Variants in MMP15 observed in about 807,000 individuals in gnomAD.
The protein encoded by MMP15 is matrix metallopeptidase 15, also known as matrix metalloproteinase-15.
A neutral mutation model predicts 65.0 loss-of-function variants in MMP15; 36 were observed. The ratio of observed to expected loss-of-function variants is 0.55; its 90% CI spans 0.42 to 0.73. The LOEUF (loss-of-function observed/expected upper bound fraction) is 0.73, where lower values mean the gene tolerates loss of function less well. Ranked by LOEUF, MMP15 falls within the 30% of genes least tolerant of loss-of-function variation. The pLI is 0.00. For missense variants in MMP15, 870 were observed against 987.8 expected (o/e 0.88, Z 1.60); for synonymous variants, 428 against 410.2 (o/e 1.04, Z -0.52).
In MMP15 at chr16:58,040,597, C is replaced by T. The variant is rs1959432724; in HGVS notation, c.809C>T (p.Ser270Phe). The T allele has an allele frequency of 3.1e-6, 5 of 1,614,144 alleles. No individual in the cohort carries two copies. Among genetic ancestry groups the T allele is most frequent in the Non-Finnish European group, 4.2e-6 (5 of 1,180,042 alleles). ...GGCCACGCGCTGGGGCTGGAGCACT[C>T]CAGCAACCCCAATGCCATCATGGCG... Reference protein sequence around the residue: ...ELGHALGLEHSSNPNAIMAPF... With the variant: ...ELGHALGLEHFSNPNAIMAPF... The change falls in exon 5 of 10, where the codon TCC becomes TTC. Residue 270 changes from serine (S) to phenylalanine (F), a missense_variant. Transcript: ENST00000219271.
In MMP15 at chr16:58,039,928, G is replaced by C; in HGVS notation, c.494G>C (p.Arg165Pro). 1 of 1,612,466 alleles carries C rather than the reference G, an allele frequency of 6.2e-7. No homozygotes were observed. Among genetic ancestry groups the C allele is most frequent in the Non-Finnish European group, 8.5e-7 (1 of 1,179,106 alleles). Residue 165 changes from arginine (R) to proline (P), a missense_variant, in exon 4 of 10, where the codon CGC (arginine) becomes CCC (proline). Physicochemically the swap from Arg to Pro is moderately radical, Grantham distance 103 (BLOSUM62 -2). Transcript: ENST00000219271. ...TGGTACCACTCGATGGAGGCGGTGC[G>C]CAGGGCCTTCCGCGTGTGGGAGCAG... ...LGWYHSMEAV[R>P]RAFRVWEQAT...
chr16:58,026,257 C>T lies in MMP15; in HGVS notation c.-94C>T. The T allele has an allele frequency of 1.6e-6, 2 of 1,217,258 alleles. No homozygotes were observed. Among genetic ancestry groups the T allele is most frequent in the East Asian group, 6.4e-5 (2 of 31,152 alleles). 75.4% of individuals were successfully genotyped at this position (1,217,258 alleles called of 1,614,324 possible). ...CGGGAGCCCGAGGTCCGCGGCGCGC[C>T]TGCCGGGCCAGGAGCCAGGGAGCGT... is the stretch of plus-strand genomic sequence containing the variant. On this transcript the variant is annotated 5_prime_UTR_variant, in exon 1 of 10. Transcript: ENST00000219271.
chr16:58,037,716 G>C, intron 2 of MMP15, 96 bp downstream of exon 2: 1 of 1,546,196 alleles, frequency 6.5e-7, no homozygotes, highest in East Asian at 2.3e-5. Flanking sequence ...AGAAAAGAGT[G>C]GCCTAGATAA....
chr16:58,040,765 A>G (rs1447425480), intron 5 of MMP15, 67 bp downstream of exon 5: 2 of 1,603,078 alleles, frequency 1.2e-6, no homozygotes, highest in African/African-American at 2.7e-5. Context: ...AGGAGTAGGC[A>G]TTGCTGCCAT....
chr16:58,045,572 C>G lies in MMP15; in HGVS notation c.*126C>G. 1.4e-6 allele frequency: 1 copy of G among 730,460 alleles called. No homozygotes were observed. The highest frequency in any genetic ancestry group is 2.2e-6 in the Non-Finnish European group (1 of 461,112). The allele number at this position is 730,460 out of a possible 1,614,324, so 45.2% of individuals were successfully genotyped here. On this transcript the variant is annotated 3_prime_UTR_variant, in exon 10 of 10. Coordinates refer to ENST00000219271, the MANE Select transcript of MMP15 (RefSeq NM_002428.4). Reference sequence around the variant, plus strand: ...TCACACACCCTGTCTGCCCCGCCCTCATTATTTATGTCCAGGTGTTTGTTT... The same window carrying G: ...TCACACACCCTGTCTGCCCCGCCCTGATTATTTATGTCCAGGTGTTTGTTT...
In MMP15 at chr16:58,045,222, G is replaced by T; in HGVS notation, c.1786G>T (p.Asp596Tyr). 6.3e-7 allele frequency: 1 copy of T among 1,599,082 alleles called. No individual in the cohort carries two copies. The highest frequency in any genetic ancestry group is 8.5e-7 in the Non-Finnish European group (1 of 1,174,246). Residue 596 changes from aspartate (D) to tyrosine (Y), a missense_variant, in exon 10 of 10, where the codon GAT (aspartate) becomes TAT (tyrosine). Transcript: ENST00000219271. ...GADSAEGDVG[D>Y]GDGDFGAGVN... is the part of the protein sequence containing the mutation. ...GGACAGCGCAGAGGGCGACGTGGGGGATGGGGATGGGGACTTTGGGGCCGG... is the reference window on the plus strand; with the variant it reads ...GGACAGCGCAGAGGGCGACGTGGGGTATGGGGATGGGGACTTTGGGGCCGG...
At chr16:58,035,566 G>A (rs1399960141) in intron 1 of MMP15, among the ~76,000 whole-genome samples, 3 of 152,202 alleles carry the variant, frequency 2.0e-5, no homozygotes, top group South Asian at 2.1e-4. Context: ...TGCACTTTAC[G>A]ATTCCTCCTC....
At chr16:58,044,739 A>G (rs1959520232) in intron 9 of MMP15, among the ~76,000 whole-genome samples, 1 of 152,180 alleles carries the variant, frequency 6.6e-6, no homozygotes, top group Non-Finnish European at 1.5e-5. Flanking sequence ...GCAGCCCCCA[A>G]CCCAGCAGGC....
At chr16:58,030,774 C>A (rs1963881837) in intron 1 of MMP15, among the ~76,000 whole-genome samples, 1 of 152,166 alleles carries the variant, frequency 6.6e-6, no homozygotes, top group Non-Finnish European at 1.5e-5. Context: ...TCCAGAGCCT[C>A]CCTGGCAAAA....
chr16:58,037,715 T>A (rs866388663), intron 2 of MMP15, 95 bp downstream of exon 2: 3 of 1,550,672 alleles, frequency 1.9e-6, no homozygotes, highest in Middle Eastern at 1.7e-4. Context: ...CAGAAAAGAG[T>A]GGCCTAGATA....
chr16:58,044,993 C>T lies in MMP15; in HGVS notation c.1571-14C>T. ...GCTCAACCTGAAGCCACTCTGGCCTCCTTGCCCCTGCAGCCTACACCTACT... is the reference window on the plus strand; with the variant it reads ...GCTCAACCTGAAGCCACTCTGGCCTTCTTGCCCCTGCAGCCTACACCTACT... On this transcript the variant is annotated splice_polypyrimidine_tract_variant and intron_variant, in intron 9 of 9. Coordinates refer to ENST00000219271, the MANE Select transcript of MMP15 (RefSeq NM_002428.4). The T allele has an allele frequency of 2.5e-6, 4 of 1,613,152 alleles. No homozygotes were observed. Among genetic ancestry groups the T allele is most frequent in the Non-Finnish European group, 2.5e-6 (3 of 1,179,872 alleles).
chr16:58,045,285 A>T lies in MMP15; in HGVS notation c.1849A>T (p.Met617Leu), dbSNP rs201346896. Residue 617 changes from methionine to leucine, a missense_variant, in exon 10 of 10, where the codon ATG becomes TTG. Physicochemically the swap from Met to Leu is conservative, Grantham distance 15. Coordinates refer to ENST00000219271, the MANE Select transcript of MMP15 (RefSeq NM_002428.4). ...KDGGSRVVVQMEEVARTVNVV... is the reference protein window; with the variant it reads ...KDGGSRVVVQLEEVARTVNVV... ...CGGGGGCAGCCGCGTGGTGGTGCAG[A>T]TGGAGGAGGTGGCACGGACGGTGAA... is the stretch of plus-strand genomic sequence containing the variant. 1.9e-6 allele frequency: 3 copies of T among 1,610,944 alleles called. No homozygotes were observed. Among genetic ancestry groups the T allele is most frequent in the African/African-American group, 2.7e-5 (2 of 74,992 alleles).
At position 58,045,482 on chromosome 16, in the gene MMP15, G is replaced by T; in HGVS notation, c.*36G>T. 1 of 1,469,308 alleles carries T rather than the reference G, an allele frequency of 6.8e-7. No homozygotes were observed. Among genetic ancestry groups the T allele is most frequent in the Non-Finnish European group, 9.0e-7 (1 of 1,109,074 alleles). 91.0% of individuals were successfully genotyped at this position (1,469,308 alleles called of 1,614,324 possible). On this transcript the variant is annotated 3_prime_UTR_variant, in exon 10 of 10. Coordinates refer to ENST00000219271, the MANE Select transcript of MMP15 (RefSeq NM_002428.4). The stretch of plus-strand genomic sequence containing the variant: ...CTCCTGCTAACGGTGCTCAGGGGGC[G>T]CCTGTGGTTCTGAGATGGCTCCCAG...
intron 5 of MMP15, 43 bp from the exon 6 acceptor site, chr16:58,041,574 G>A (rs1959454400): frequency 1.3e-6 from 2 of 1,556,946 alleles, no homozygotes; most frequent in African/African-American, 1.4e-5. Flanking sequence ...AGGGTTCTGA[G>A]TAGGAACACA....
rs1465918286 is a variant in MMP15 at position 58,041,611 on chromosome 16, C to T, written c.911-6C>T. ...ACCTCACTTCTGAACCCCTGCCTCTCTGCAGGTACCCCAGACGGTCAGCCA... is the reference window on the plus strand; with the variant it reads ...ACCTCACTTCTGAACCCCTGCCTCTTTGCAGGTACCCCAGACGGTCAGCCA... On this transcript the variant is annotated splice_polypyrimidine_tract_variant and splice_region_variant and intron_variant, in intron 5 of 9. Coordinates refer to ENST00000219271, the MANE Select transcript of MMP15 (RefSeq NM_002428.4). The T allele has an allele frequency of 6.4e-7, 1 of 1,571,246 alleles. No individual in the cohort carries two copies. The highest frequency in any genetic ancestry group is 8.6e-7 in the Non-Finnish European group (1 of 1,159,350).
At chr16:58,041,556 C>G in intron 5 of MMP15, 61 bp from the exon 6 acceptor site, 1 of 1,544,932 alleles carries the variant, frequency 6.5e-7, no homozygotes. Flanking sequence ...CTGGGGGCCC[C>G]GGGGCCCAGG....
At chr16:58,040,266 C>T (rs572547271) in intron 4 of MMP15, 84 bp downstream of exon 4, 285 of 1,396,934 alleles carry the variant, frequency 2.0e-4, no homozygotes, top group Non-Finnish European at 2.3e-4. Flanking sequence ...GTTCAGCAGC[C>T]GCGGGGCTGG....
chr16:58,026,646 C>A (rs1963819711), intron 1 of MMP15, 134 bp downstream of exon 1: 1 of 1,042,222 alleles, frequency 9.6e-7, no homozygotes, highest in Non-Finnish European at 1.2e-6. Context: ...GGGAAGCAAG[C>A]GGACTTGGCA....
In MMP15 at chr16:58,037,050, G is replaced by A. The variant is rs1959342022; in HGVS notation, c.163-422G>A. Among the ~76,000 whole-genome samples the A allele has an allele frequency of 2.6e-5, 4 of 152,340 alleles. No individual in the cohort carries two copies. In the South Asian group the frequency reaches 8.3e-4, roughly 32 times the overall value. On this transcript the variant is annotated intron_variant, in intron 1 of 9. Transcript: ENST00000219271. ...GAAACAGCGACCTGAAGAAAATGAG[G>A]ATGAAAGCCTCTCAGTTGTCTGGCG...
Sources: gnomAD v4.1 joint callset for allele counts (sites outside exome capture counted in the v4.1 genomes callset) on GRCh38, gnomAD v4.1.1 for gene constraint, MANE v1.5 for transcripts, NCBI Gene and HGNC (gene_info 2026-07-23, HGNC 2026-07-21) for gene names.